The following GPR158 variants were observed in gnomAD, a reference collection of about 807,000 sequenced individuals.
GPR158 encodes G protein-coupled receptor 158, also known as metabotropic glycine receptor.
Under a neutral mutation model 78.2 loss-of-function variants are expected in GPR158, and 30 were observed. That is an observed-to-expected ratio of 0.38 (90% CI 0.29 to 0.52). The LOEUF (loss-of-function observed/expected upper bound fraction) is 0.52. Ranked by LOEUF, GPR158 falls within the 20% of genes least tolerant of loss-of-function variation. The pLI is 0.83. For missense variants in GPR158, 1,463 were observed against 1,523.5 expected, an observed-to-expected ratio of 0.96 and a Z score of 0.66; for synonymous variants, 581 against 591.1, an observed-to-expected ratio of 0.98 and a Z score of 0.25.
At chr10:25,445,732 G>A (rs1282662944) in intron 4 of GPR158, among the ~76,000 whole-genome samples, 3 of 150,830 alleles carry the variant, frequency 2.0e-5, no homozygotes, top group South Asian at 2.1e-4. Context: ...TAGTGGCGGC[G>A]AGAGAGAGAG....
chr10:25,552,183 A>G (rs528743912), intron 6 of GPR158, among the ~76,000 whole-genome samples: 19 of 152,262 alleles, frequency 1.2e-4, no homozygotes, highest in Admixed American at 3.3e-4. Flanking sequence ...TTAAATCCCA[A>G]TTTAGCCTCT....
intron 5 of GPR158, among the ~76,000 whole-genome samples, chr10:25,545,685 C>T (rs371363868): frequency 2.0e-5 from 3 of 152,022 alleles, no homozygotes; most frequent in African/African-American, 7.2e-5. Context: ...AACCTAGATC[C>T]GAATTCGATG....
intron 5 of GPR158, among the ~76,000 whole-genome samples, chr10:25,541,640 A>C (rs965756860): frequency 6.6e-6 from 1 of 151,976 alleles, no homozygotes; most frequent in Admixed American, 6.6e-5. Flanking sequence ...AGGACATTGA[A>C]TAAAGGCCCA....
intron 2 of GPR158, among the ~76,000 whole-genome samples, chr10:25,339,830 A>G (rs1855277733): frequency 1.3e-5 from 2 of 152,046 alleles, no homozygotes; most frequent in South Asian, 4.1e-4. Flanking sequence ...TTAATGTTAA[A>G]CTGACCTTGT....
chr10:25,255,756 C>T (rs754382038), intron 2 of GPR158, among the ~76,000 whole-genome samples: 15 of 152,160 alleles, frequency 9.9e-5, no homozygotes, highest in Non-Finnish European at 2.1e-4. Flanking sequence ...TTGAATAACT[C>T]ACCTGATTAA....
At position 25,294,343 on chromosome 10, in the gene GPR158, CTT is replaced by C. The variant is rs1223388001; in HGVS notation, c.1008+73187_1008+73188del. On this transcript the variant is annotated intron_variant, in intron 2 of 10. Transcript: ENST00000376351. ...TTTCTAACGAATATTAAAATCGTGT[CTT>C]AATTTTAATACTTTATTGTAATTAA... Among the ~76,000 whole-genome samples the C allele has an allele frequency of 2.6e-5, 4 of 152,062 alleles. No homozygotes were observed. The East Asian group carries it at 7.7e-4, about 29-fold the overall frequency.
intron 2 of GPR158, among the ~76,000 whole-genome samples, chr10:25,288,134 A>G (rs1273065880): frequency 1.3e-5 from 2 of 152,250 alleles, no homozygotes; most frequent in Admixed American, 6.5e-5. Flanking sequence ...ATATTAACCC[A>G]TTTAATTCTC....
intron 7 of GPR158, among the ~76,000 whole-genome samples, chr10:25,583,764 C>T (rs942215267): frequency 6.6e-6 from 1 of 152,030 alleles, no homozygotes; most frequent in African/African-American, 2.4e-5. Flanking sequence ...AACGTTTTAT[C>T]ATTTATATAC....
intron 2 of GPR158, among the ~76,000 whole-genome samples, chr10:25,250,490 C>T (rs1468492429): frequency 6.8e-6 from 1 of 146,530 alleles, no homozygotes; most frequent in Non-Finnish European, 1.5e-5. Context: ...TTGAATGTGT[C>T]CCAGAGATTC....
In GPR158 at chr10:25,599,063, C is replaced by T. The variant is rs1391736209; in HGVS notation, c.3437C>T (p.Ser1146Phe). 7 of 1,613,920 alleles carry T rather than the reference C, an allele frequency of 4.3e-6. No individual in the cohort carries two copies. The highest frequency in any genetic ancestry group is 5.1e-6 in the Non-Finnish European group (6 of 1,179,980). The change falls in exon 11 of 11, where the codon TCT becomes TTT. Residue 1146 changes from serine to phenylalanine, a missense_variant. Physicochemically the swap from Ser to Phe is radical, Grantham distance 155 (BLOSUM62 -2). Coordinates refer to ENST00000376351, the MANE Select transcript of GPR158 (RefSeq NM_020752.3). Reference sequence around the variant, plus strand: ...GGACACCAGGAAAAAAAGACATCTTCTTCTGAGGAGAATGTGCGTGGCTCC... The same window carrying T: ...GGACACCAGGAAAAAAAGACATCTTTTTCTGAGGAGAATGTGCGTGGCTCC... ...QIGHQEKKTS[S>F]SEENVRGSYN...
intron 6 of GPR158, among the ~76,000 whole-genome samples, chr10:25,565,100 C>T (rs977988118): frequency 6.6e-6 from 1 of 152,188 alleles, no homozygotes; most frequent in African/African-American, 2.4e-5. Context: ...CCATTTTACC[C>T]TGCTTCTTCG....
chr10:25,341,086 C>G (rs1309572252), intron 2 of GPR158, among the ~76,000 whole-genome samples: 1 of 151,906 alleles, frequency 6.6e-6, no homozygotes, highest in Admixed American at 6.6e-5. Context: ...AAAATAAGTG[C>G]TAGCTTTGAA....
At chr10:25,268,250 A>T (rs888745119) in intron 2 of GPR158, among the ~76,000 whole-genome samples, 1 of 152,114 alleles carries the variant, frequency 6.6e-6, no homozygotes, top group African/African-American at 2.4e-5. Flanking sequence ...TTAACCTGAA[A>T]ATAATTTTTA....
chr10:25,362,403 T>A (rs567614432), intron 2 of GPR158, among the ~76,000 whole-genome samples: 1 of 151,932 alleles, frequency 6.6e-6, no homozygotes, highest in Admixed American at 6.6e-5. Context: ...TCTCTAAATT[T>A]TTTTTTCTTC....
chr10:25,313,627 A>G (rs535539529), intron 2 of GPR158, among the ~76,000 whole-genome samples: 97 of 152,138 alleles, frequency 6.4e-4, no homozygotes, highest in African/African-American at 2.1e-3. Flanking sequence ...ATGTTTTGCT[A>G]TATTTTATTA....
chr10:25,472,244 G>C (rs374281404), intron 5 of GPR158, among the ~76,000 whole-genome samples: 3,895 of 151,738 alleles, frequency 0.026, 157 homozygotes, highest in African/African-American at 0.089. Flanking sequence ...TCTTGTTTTT[G>C]TCAGGTTTGT....
chr10:25,409,269 C>G (rs1380761740), intron 3 of GPR158, among the ~76,000 whole-genome samples: 2 of 152,210 alleles, frequency 1.3e-5, no homozygotes, highest in African/African-American at 2.4e-5. Flanking sequence ...GTTCTATCCT[C>G]TGCATTTGTT....
intron 2 of GPR158, among the ~76,000 whole-genome samples, chr10:25,307,724 G>A (rs1373927098): frequency 6.6e-6 from 1 of 152,066 alleles, no homozygotes; most frequent in African/African-American, 2.4e-5. Context: ...TTCTCTATCA[G>A]TTCTTAGAGT....
chr10:25,358,811 T>G (rs962653443), intron 2 of GPR158, among the ~76,000 whole-genome samples: 4 of 152,126 alleles, frequency 2.6e-5, no homozygotes, highest in African/African-American at 9.6e-5. Context: ...TTTCATTCCA[T>G]TTTAGTCAGA....
Sources: gnomAD v4.1 joint callset for allele counts (sites outside exome capture counted in the v4.1 genomes callset) on GRCh38, gnomAD v4.1.1 for gene constraint, MANE v1.5 for transcripts, NCBI Gene and HGNC (gene_info 2026-07-23, HGNC 2026-07-21) for gene names.